Variants in ENTREP2 observed in about 807,000 individuals in gnomAD.
ENTREP2 encodes endosomal transmembrane epsin interactor 2.
the ENTREP2 span, among the ~76,000 whole-genome samples, chr15:29,650,727 GC>G: frequency 1.3e-5 from 2 of 152,314 alleles, no homozygotes; most frequent in African/African-American, 4.8e-5. Flanking sequence ...CTACTCGGGA[GC>G]TTTTCATTTT....
At chr15:29,462,615 C>CTAATAATAATAATAA in the ENTREP2 span, among the ~76,000 whole-genome samples, 66 of 151,566 alleles carry the variant, frequency 4.4e-4, no homozygotes, top group African/African-American at 1.4e-3. Flanking sequence ...GATCTCAAAA[C>CTAATAATAATAATAA]TAATAATAAT....
At chr15:29,506,471 T>C in the ENTREP2 span, among the ~76,000 whole-genome samples, 1 of 151,852 alleles carries the variant, frequency 6.6e-6, no homozygotes, top group African/African-American at 2.4e-5. Flanking sequence ...TTCACCAAGA[T>C]TGAAATGAAG....
the ENTREP2 span, among the ~76,000 whole-genome samples, chr15:29,621,819 C>T: frequency 1.3e-5 from 2 of 152,024 alleles, no homozygotes; most frequent in Non-Finnish European, 1.5e-5. Context: ...ACACTGCGTT[C>T]GAAGCACTAT....
the ENTREP2 span, among the ~76,000 whole-genome samples, chr15:29,369,615 A>ACACC: frequency 6.8e-6 from 1 of 147,902 alleles, no homozygotes; most frequent in African/African-American, 2.6e-5. Flanking sequence ...ACACACACAC[A>ACACC]CCCAGGTGCA....
the ENTREP2 span, among the ~76,000 whole-genome samples, chr15:29,217,036 C>CA: frequency 6.6e-6 from 1 of 152,088 alleles, no homozygotes; most frequent in Non-Finnish European, 1.5e-5. Flanking sequence ...AACAATTTTA[C>CA]AGAAGTAAAG....
the ENTREP2 span, among the ~76,000 whole-genome samples, chr15:29,208,030 CCCCTGG>C: frequency 2.0e-5 from 3 of 152,166 alleles, no homozygotes; most frequent in Admixed American, 6.5e-5. Flanking sequence ...GCCCCCCTGT[CCCCTGG>C]GGGGCTTACA....
the ENTREP2 span, among the ~76,000 whole-genome samples, chr15:29,427,283 A>G: frequency 6.6e-6 from 1 of 152,162 alleles, no homozygotes; most frequent in East Asian, 1.9e-4. Context: ...TGTTCATACG[A>G]ATCATGGAGA....
the ENTREP2 span, among the ~76,000 whole-genome samples, chr15:29,406,822 C>T: frequency 6.6e-6 from 1 of 152,104 alleles, no homozygotes; most frequent in Non-Finnish European, 1.5e-5. Context: ...CACACACTCG[C>T]TCTCCCTCTC....
chr15:29,146,281 T>C, the ENTREP2 span, among the ~76,000 whole-genome samples: 36 of 152,310 alleles, frequency 2.4e-4, no homozygotes, highest in African/African-American at 8.7e-4. Context: ...CCCGGGTGGA[T>C]TGTTTGCAGA....
the ENTREP2 span, among the ~76,000 whole-genome samples, chr15:29,600,914 T>TTTTTTTTTTTTTTA: frequency 1.4e-5 from 2 of 144,190 alleles, no homozygotes; most frequent in Admixed American, 7.0e-5. Flanking sequence ...TTTTTTTTTT[T>TTTTTTTTTTTTTTA]TGAGACAGAG....
At chr15:29,545,691 G>C in the ENTREP2 span, among the ~76,000 whole-genome samples, 15 of 152,186 alleles carry the variant, frequency 9.9e-5, no homozygotes, top group African/African-American at 3.6e-4. Flanking sequence ...TACAATAGCT[G>C]CTGAAGGCCA....
the ENTREP2 span, among the ~76,000 whole-genome samples, chr15:29,311,549 G>A: frequency 3.9e-5 from 6 of 152,154 alleles, no homozygotes; most frequent in African/African-American, 1.4e-4. Context: ...AATTAGCAGG[G>A]TGTGGTGGTG....
At chr15:29,416,052 G>A in the ENTREP2 span, among the ~76,000 whole-genome samples, 10 of 152,276 alleles carry the variant, frequency 6.6e-5, no homozygotes, top group East Asian at 1.9e-4. Flanking sequence ...AATCAGTATC[G>A]TGAAAATGGC....
the ENTREP2 span, among the ~76,000 whole-genome samples, chr15:29,297,511 T>G: frequency 6.6e-6 from 1 of 152,162 alleles, no homozygotes; most frequent in Admixed American, 6.5e-5. Flanking sequence ...TAATAAATGA[T>G]GAGGAAATTG....
the ENTREP2 span, among the ~76,000 whole-genome samples, chr15:29,208,079 T>G: frequency 6.6e-6 from 1 of 152,048 alleles, no homozygotes; most frequent in Admixed American, 6.5e-5. Context: ...GAGACTGCCT[T>G]TTGTGTCCCC....
At chr15:29,168,031 A>G in the ENTREP2 span, among the ~76,000 whole-genome samples, 1 of 152,218 alleles carries the variant, frequency 6.6e-6, no homozygotes, top group Non-Finnish European at 1.5e-5. Context: ...AGTGACCTGG[A>G]TAAGATTGGA....
At chr15:29,666,411 C>T in the ENTREP2 span, among the ~76,000 whole-genome samples, 1 of 151,922 alleles carries the variant, frequency 6.6e-6, no homozygotes. Context: ...ACACCTCCCC[C>T]CACTCACCCC....
chr15:29,163,133 A>C, the ENTREP2 span, among the ~76,000 whole-genome samples: 1 of 152,100 alleles, frequency 6.6e-6, no homozygotes, highest in Non-Finnish European at 1.5e-5. Flanking sequence ...TGAAGGGAGC[A>C]CTCCATGGGA....
At chr15:29,287,005 G>A in the ENTREP2 span, among the ~76,000 whole-genome samples, 1 of 152,106 alleles carries the variant, frequency 6.6e-6, no homozygotes, top group Non-Finnish European at 1.5e-5. Context: ...CTTCCAAGCT[G>A]CAGTTAATTT....
Sources: gnomAD v4.1 joint callset for allele counts (sites outside exome capture counted in the v4.1 genomes callset) on GRCh38, gnomAD v4.1.1 for gene constraint, MANE v1.5 for transcripts, NCBI Gene and HGNC (gene_info 2026-07-23, HGNC 2026-07-21) for gene names.